Variants in ADAMTS3 observed in about 807,000 individuals in gnomAD.
ADAMTS3 encodes the protein A disintegrin and metalloproteinase with thrombospondin motifs 3.
ADAMTS3 carries 73 observed loss-of-function variants against 129.0 expected under a neutral mutation model. The observed-to-expected ratio is 0.57, with a 90% confidence interval of 0.47 to 0.69. The LOEUF is 0.69. Ranked by LOEUF, ADAMTS3 falls within the 30% of genes least tolerant of loss-of-function variation. The pLI is 0.00. For missense variants in ADAMTS3, 1,457 were observed against 1,514.5 expected (o/e 0.96, Z 0.63); for synonymous variants, 477 against 510.8 (o/e 0.93, Z 0.89).
chr4:72,396,442 T>C (rs370997793), intron 4 of ADAMTS3, among the ~76,000 whole-genome samples: 13 of 151,954 alleles, frequency 8.6e-5, no homozygotes, highest in African/African-American at 2.9e-4. Flanking sequence ...CTATAAAATA[T>C]CAGGAAAAAA....
At chr4:72,379,837 T>C (rs73824582) in intron 4 of ADAMTS3, among the ~76,000 whole-genome samples, 3,798 of 152,162 alleles carry the variant, frequency 0.025, 159 homozygotes, top group African/African-American at 0.087. Flanking sequence ...CAAAATAGTA[T>C]ATAAATGTAA....
At chr4:72,398,625 T>C (rs76031326) in intron 4 of ADAMTS3, among the ~76,000 whole-genome samples, 6,774 of 152,106 alleles carry the variant, frequency 0.045, 170 homozygotes, top group Non-Finnish European at 0.052. Flanking sequence ...CTACAAAGGA[T>C]GAAAGGACCC....
At chr4:72,285,469 G>A (rs368002957) in intron 21 of ADAMTS3, among the ~76,000 whole-genome samples, 7 of 152,088 alleles carry the variant, frequency 4.6e-5, no homozygotes, top group African/African-American at 1.4e-4. Context: ...GACATTATTC[G>A]ATCTTGTCCT....
intron 15 of ADAMTS3, 96 bp from the exon 16 acceptor site, chr4:72,306,163 C>T: frequency 7.9e-6 from 6 of 756,814 alleles, no homozygotes; most frequent in Admixed American, 3.1e-5. Context: ...CTTCTGCGTG[C>T]AGAAGAGGGC....
chr4:72,389,060 T>A (rs1721517781), intron 4 of ADAMTS3, among the ~76,000 whole-genome samples: 1 of 152,082 alleles, frequency 6.6e-6, no homozygotes. Context: ...CCAGAAAAAA[T>A]TAGGTGTTCA....
intron 5 of ADAMTS3, among the ~76,000 whole-genome samples, chr4:72,328,546 T>C (rs28716062): frequency 0.79 from 119,986 of 152,104 alleles, 47,775 homozygotes; most frequent in African/African-American, 0.88. Flanking sequence ...TCAATCTTAG[T>C]TGTGTGATGC....
chr4:72,473,656 C>A (rs1719144537), intron 3 of ADAMTS3, among the ~76,000 whole-genome samples: 1 of 151,886 alleles, frequency 6.6e-6, no homozygotes, highest in South Asian at 2.1e-4. Context: ...CATCCCAACA[C>A]CCTAGGTGGT....
rs1342893403 is a variant in ADAMTS3, at chr4:72,318,622, C to A, written c.1435G>T (p.Asp479Tyr). Residue 479 changes from aspartate (D) to tyrosine (Y), a missense_variant, in exon 10 of 22, where the codon GAT becomes TAT. Coordinates refer to ENST00000286657, the MANE Select transcript of ADAMTS3 (RefSeq NM_014243.3). The stretch of plus-strand genomic sequence containing the variant: ...CCAAAATCAAAACGACATTGCTCAT[C>A]CATAGAATAATTGATTCCAGGAAGT... ...PELPGINYSM[D>Y]EQCRFDFGVG... 1.9e-6 allele frequency: 3 copies of A among 1,613,606 alleles called. No homozygotes were observed. In the African/African-American group the frequency reaches 4.0e-5, roughly 22 times the overall value.
chr4:72,530,004 AT>A lies in ADAMTS3; in HGVS notation c.504+18473del, dbSNP rs1230724576. Among the ~76,000 whole-genome samples the A allele has an allele frequency of 5.2e-4, 4 of 7,660 alleles. 1 individual carries two copies. Among genetic ancestry groups the A allele is most frequent in the African/African-American group, 2.9e-3 (4 of 1,362 alleles). 5.0% of individuals were successfully genotyped at this position (7,660 alleles called of 152,430 possible). On this transcript the variant is annotated intron_variant, in intron 3 of 21. Transcript: ENST00000286657. The stretch of plus-strand genomic sequence containing the variant: ...ATATAATATATTATATTTATATATA[AT>A]ATATAATATATTATATTTATATATA...
At chr4:72,565,277 A>G (rs1245004605) in intron 2 of ADAMTS3, among the ~76,000 whole-genome samples, 1 of 152,234 alleles carries the variant, frequency 6.6e-6, no homozygotes, top group East Asian at 1.9e-4. Context: ...AATAAAATCT[A>G]CAAACATTAT....
At chr4:72,354,949 A>C (rs1347335959) in intron 4 of ADAMTS3, among the ~76,000 whole-genome samples, 1 of 151,996 alleles carries the variant, frequency 6.6e-6, no homozygotes, top group Non-Finnish European at 1.5e-5. Context: ...ACATTCTGCC[A>C]CTTAAATTAT....
intron 3 of ADAMTS3, among the ~76,000 whole-genome samples, chr4:72,432,352 G>A (rs926482859): frequency 6.6e-6 from 1 of 151,848 alleles, no homozygotes; most frequent in African/African-American, 2.4e-5. Flanking sequence ...CACAGTACCG[G>A]TATCTGCTCC....
chr4:72,543,633 A>C (rs1484723132), intron 3 of ADAMTS3, among the ~76,000 whole-genome samples: 1 of 152,174 alleles, frequency 6.6e-6, no homozygotes, highest in Non-Finnish European at 1.5e-5. Context: ...AAAATACTAT[A>C]TGATTCCACT....
Position 72,298,325 on chromosome 4 carries a change from C to T in ADAMTS3, c.2542G>A (p.Glu848Lys). The T allele has an allele frequency of 6.2e-7, 1 of 1,613,122 alleles. No individual in the cohort carries two copies. The highest frequency in any genetic ancestry group is 8.5e-7 in the Non-Finnish European group (1 of 1,179,336). The change falls in exon 18 of 22, where the codon GAG (glutamate) becomes AAG (lysine). Residue 848 changes from glutamate to lysine, a missense_variant. Glu to Lys is a moderately conservative substitution (Grantham distance 56). Transcript: ENST00000286657. ...TGAGACCAGCTCTTCAAAGCCCACT[C>T]AAAAGTATCTAATTCTTCCTGGATG... is the stretch of plus-strand genomic sequence containing the variant. ...NVIQEELDTF[E>K]WALKSWSQCS...
chr4:72,538,357 G>T (rs916611097), intron 3 of ADAMTS3, among the ~76,000 whole-genome samples: 1 of 152,102 alleles, frequency 6.6e-6, no homozygotes, highest in African/African-American at 2.4e-5. Flanking sequence ...ATTGCTGAAA[G>T]ACAAAGACAA....
At position 72,335,695 on chromosome 4, in the gene ADAMTS3, C is replaced by T. The variant is rs1448855126; in HGVS notation, c.861+3799G>A. Among the ~76,000 whole-genome samples the T allele has an allele frequency of 3.9e-5, 6 of 151,958 alleles. No individual in the cohort carries two copies. The East Asian group carries it at 1.2e-3, about 29-fold the overall frequency. On this transcript the variant is annotated intron_variant, in intron 5 of 21. Coordinates refer to ENST00000286657, the MANE Select transcript of ADAMTS3 (RefSeq NM_014243.3). ...TTAACATTTTCAAAGTCTCTGTTTC[C>T]TTTGGAAAAATTGTAATAATTTCCA...
At chr4:72,463,603 A>ACCACTG (rs1252312955) in intron 3 of ADAMTS3, among the ~76,000 whole-genome samples, 1 of 150,526 alleles carries the variant, frequency 6.6e-6, no homozygotes, top group Non-Finnish European at 1.5e-5. Flanking sequence ...CCTCTCCCAA[A>ACCACTG]CCACTGCCAC....
chr4:72,337,250 T>G (rs1438102827), intron 5 of ADAMTS3, among the ~76,000 whole-genome samples: 4 of 152,192 alleles, frequency 2.6e-5, no homozygotes, highest in African/African-American at 9.7e-5. Flanking sequence ...TAATTTGTAT[T>G]TGAGACAGAG....
intron 4 of ADAMTS3, among the ~76,000 whole-genome samples, chr4:72,394,579 T>C (rs1026785903): frequency 8.5e-5 from 13 of 152,190 alleles, no homozygotes; most frequent in Non-Finnish European, 4.4e-5. Context: ...ACCCAAAACA[T>C]TGCCATTTCT....
Sources: allele counts gnomAD v4.1 joint callset (sites outside exome capture counted in the v4.1 genomes callset), GRCh38; gene constraint gnomAD v4.1.1; transcripts MANE v1.5; gene names NCBI Gene and HGNC (gene_info 2026-07-23, HGNC 2026-07-21).